The following TMPRSS15 variants were observed in gnomAD, a reference collection of about 807,000 sequenced individuals.
TMPRSS15 encodes enteropeptidase.
TMPRSS15 carries 128 observed loss-of-function variants against 125.3 expected under a neutral mutation model. The ratio of observed to expected loss-of-function variants is 1.02; its 90% confidence interval spans 0.89 to 1.18. The LOEUF is 1.18. Ranked by LOEUF, TMPRSS15 falls within the 50% of genes most tolerant of loss-of-function variation. TMPRSS15 has a pLI of 0.00. For synonymous variants in TMPRSS15, 446 were observed against 423.2 expected (o/e 1.05, Z -0.66); for missense variants, 1,283 against 1,212.7 (o/e 1.06, Z -0.86).
chr21:18,379,712 G>A (rs2075874890), intron 4 of TMPRSS15, among the ~76,000 whole-genome samples: 1 of 152,048 alleles, frequency 6.6e-6, no homozygotes, highest in Non-Finnish European at 1.5e-5. Context: ...TTTGGAATCA[G>A]GAGGAATTGC....
rs1208006044 is a variant in TMPRSS15, at chr21:18,282,047, G to A, written c.2487-826C>T. On this transcript the variant is annotated intron_variant, in intron 21 of 24. Coordinates refer to ENST00000284885, the MANE Select transcript of TMPRSS15 (RefSeq NM_002772.3). ...CGGGGGGCGGAGCTTGCAGTGAGCC[G>A]AGATTGCGCCACTGCACTCCAGCCT... 5.3e-5 allele frequency among the ~76,000 whole-genome samples: 7 copies of A among 131,840 alleles called. 1 individual carries two copies. Among genetic ancestry groups the A allele is most frequent in the South Asian group, 4.8e-4 (2 of 4,168 alleles). The allele number at this position is 131,840 out of a possible 152,430, so 86.5% of individuals were successfully genotyped here. A position where few individuals can be genotyped will look rare whatever the true frequency, so the allele number is the denominator to read the frequency against.
At chr21:18,422,190 TG>T (rs2076193669) in intron 1 of TMPRSS15, among the ~76,000 whole-genome samples, 1 of 152,052 alleles carries the variant, frequency 6.6e-6, no homozygotes, top group Non-Finnish European at 1.5e-5. Context: ...TTCACCATGT[TG>T]GCGAGATTGG....
chr21:18,386,582 CCTT>C (rs1192266520), intron 3 of TMPRSS15, among the ~76,000 whole-genome samples: 1 of 152,164 alleles, frequency 6.6e-6, no homozygotes, highest in African/African-American at 2.4e-5. Context: ...TCCTCTTCTT[CCTT>C]CTTCTTTTCC....
chr21:18,456,646 A>T (rs1033806705), intron 1 of TMPRSS15, among the ~76,000 whole-genome samples: 1 of 152,080 alleles, frequency 6.6e-6, no homozygotes, highest in Admixed American at 6.6e-5. Context: ...CTATGAAGCT[A>T]GTTAGAATTG....
At chr21:18,429,349 A>C (rs2076211343) in intron 1 of TMPRSS15, among the ~76,000 whole-genome samples, 1 of 152,148 alleles carries the variant, frequency 6.6e-6, no homozygotes, top group South Asian at 2.1e-4. Context: ...TTGGGAAGGC[A>C]TGATTGGTTT....
At chr21:18,461,727 C>T (rs984253263) in intron 1 of TMPRSS15, among the ~76,000 whole-genome samples, 1 of 152,010 alleles carries the variant, frequency 6.6e-6, no homozygotes, top group Non-Finnish European at 1.5e-5. Context: ...CCCCATCCTC[C>T]TTTTAATTAT....
chr21:18,340,152 G>A (rs1490191205), intron 13 of TMPRSS15, among the ~76,000 whole-genome samples: 1 of 152,184 alleles, frequency 6.6e-6, no homozygotes, highest in Non-Finnish European at 1.5e-5. Context: ...ATTTGAGTCA[G>A]GGGACTGGGA....
intron 1 of TMPRSS15, among the ~76,000 whole-genome samples, chr21:18,434,190 A>T (rs564977972): frequency 6.6e-6 from 1 of 152,340 alleles, no homozygotes; most frequent in Non-Finnish European, 1.5e-5. Context: ...AATAAAAGGA[A>T]GACTCACCAT....
intron 1 of TMPRSS15, among the ~76,000 whole-genome samples, chr21:18,411,339 CTT>C (rs1056583998): frequency 6.8e-6 from 1 of 146,204 alleles, no homozygotes. Flanking sequence ...TTTGTTAAAA[CTT>C]TTTTTTTTTT....
At chr21:18,321,439 A>G (rs1399625271) in intron 16 of TMPRSS15, among the ~76,000 whole-genome samples, 15 of 127,648 alleles carry the variant, frequency 1.2e-4, no homozygotes, top group East Asian at 4.6e-4. Flanking sequence ...CGCAAGCTCC[A>G]CCTCCCGGGT....
intron 6 of TMPRSS15, among the ~76,000 whole-genome samples, chr21:18,365,686 CCTTCCTTCCTTCCTACCT>C (rs1248796808): frequency 1.5e-5 from 2 of 135,878 alleles, no homozygotes; most frequent in African/African-American, 5.7e-5. Flanking sequence ...TTCCTTCCTT[CCTTCCTTCCTTCCTACCT>C]TCTCTCTCTC....
At chr21:18,368,502 A>T (rs907661991) in intron 6 of TMPRSS15, among the ~76,000 whole-genome samples, 5 of 152,300 alleles carry the variant, frequency 3.3e-5, no homozygotes, top group South Asian at 2.1e-4. Flanking sequence ...GTTGTGAAGG[A>T]TCCAGTAGAG....
chr21:18,305,336 C>T (rs1257607804), intron 18 of TMPRSS15, among the ~76,000 whole-genome samples: 3 of 151,770 alleles, frequency 2.0e-5, no homozygotes, highest in Non-Finnish European at 4.4e-5. Context: ...CTACAGGCGC[C>T]CGCCACCGCG....
intron 3 of TMPRSS15, among the ~76,000 whole-genome samples, chr21:18,384,351 G>T (rs906020971): frequency 3.9e-5 from 6 of 152,140 alleles, no homozygotes; most frequent in Non-Finnish European, 8.8e-5. Context: ...AAGAAAACAA[G>T]GGTATCTGGG....
At position 18,305,899 on chromosome 21, in the gene TMPRSS15, A is replaced by G. The variant is rs569096573; in HGVS notation, c.2165+7046T>C. Among the ~76,000 whole-genome samples, 9 of 152,252 alleles carry G rather than the reference A, an allele frequency of 5.9e-5. No individual in the cohort carries two copies. The South Asian group carries it at 1.9e-3, about 32-fold the overall frequency. ...AGAGTTATAATTTGTGCTTCAAGTA[A>G]ATGATGGACTTTGTAGTTAAGTCAA... On this transcript the variant is annotated intron_variant, in intron 18 of 24. Transcript: ENST00000284885.
At chr21:18,470,582 A>C (rs1978758460) in intron 1 of TMPRSS15, among the ~76,000 whole-genome samples, 1 of 152,072 alleles carries the variant, frequency 6.6e-6, no homozygotes, top group Admixed American at 6.6e-5. Flanking sequence ...TATTTTTCAA[A>C]ATTATGTTGT....
At chr21:18,301,077 T>C (rs2074967122) in intron 18 of TMPRSS15, among the ~76,000 whole-genome samples, 1 of 152,226 alleles carries the variant, frequency 6.6e-6, no homozygotes, top group Non-Finnish European at 1.5e-5. Flanking sequence ...TTTAGAGTAG[T>C]TGAACAAAAT....
At position 18,398,254 on chromosome 21, in the gene TMPRSS15, A is replaced by C. The variant is rs1161177719; in HGVS notation, c.221T>G (p.Leu74Trp). Residue 74 changes from leucine (L) to tryptophan (W), a missense_variant, in exon 2 of 25, where the codon TTG (leucine) becomes TGG (tryptophan). Transcript: ENST00000284885. ...GAAATCCACTGAGAGTTTGTCTTGC[A>C]AATTAGGATTATATGTAACTCCGGA... ...ITSGVTYNPN[L>W]QDKLSVDFKV... The C allele has an allele frequency of 6.2e-7, 1 of 1,613,792 alleles. No individual in the cohort carries two copies. The highest frequency in any genetic ancestry group is 2.2e-5 in the East Asian group (1 of 44,876).
chr21:18,408,059 G>A (rs1214330772), upstream of TMPRSS15, among the ~76,000 whole-genome samples: 2 of 152,098 alleles, frequency 1.3e-5, no homozygotes, highest in Non-Finnish European at 2.9e-5. Flanking sequence ...TCCTAAAGGT[G>A]GATTATAATT....
Sources: gnomAD v4.1 joint callset for allele counts (sites outside exome capture counted in the v4.1 genomes callset) on GRCh38, gnomAD v4.1.1 for gene constraint, MANE v1.5 for transcripts, NCBI Gene and HGNC (gene_info 2026-07-23, HGNC 2026-07-21) for gene names.